TTF2: variants seen among roughly 807,000 people sequenced by gnomAD.
TTF2 encodes the protein transcription termination factor 2.
In TTF2, 108 loss-of-function variants were observed where a neutral mutation model predicts 142.4. That is an observed-to-expected ratio of 0.76 (90% CI 0.65 to 0.89). The LOEUF (loss-of-function observed/expected upper bound fraction) is 0.89. Ranked by LOEUF, TTF2 falls within the 40% of genes least tolerant of loss-of-function variation. TTF2 has a pLI of 0.00. For synonymous variants in TTF2, 483 were observed against 506.2 expected (o/e 0.95, Z 0.61); for missense variants, 1,327 against 1,379.8 (o/e 0.96, Z 0.61).
intron 18 of TTF2, chr1:117,094,874 G>A (rs74111952): frequency 0.079 from 26,495 of 337,006 alleles, 1,473 homozygotes; most frequent in African/African-American, 0.18. Context: ...TTTGGGGGTT[G>A]GGAGGACCTC....
intron 2 of TTF2, among the ~76,000 whole-genome samples, chr1:117,061,664 A>G (rs1655696954): frequency 6.6e-6 from 1 of 152,248 alleles, no homozygotes; most frequent in Non-Finnish European, 1.5e-5. Flanking sequence ...CAGGAATTCA[A>G]CATTAATGGT....
chr1:117,069,939 A>C (rs1222028888), intron 3 of TTF2, among the ~76,000 whole-genome samples: 2 of 152,236 alleles, frequency 1.3e-5, no homozygotes, highest in Non-Finnish European at 1.5e-5. Context: ...ATACTGCAGA[A>C]ATTAATGCTT....
Position 117,091,907 on chromosome 1 carries a change from T to G in TTF2, c.2762T>G (p.Leu921Arg). 6.2e-7 allele frequency: 1 copy of G among 1,613,450 alleles called. No homozygotes were observed. The highest frequency in any genetic ancestry group is 8.5e-7 in the Non-Finnish European group (1 of 1,179,870). ...ACCGTCCACATACTGTCCCAGTTGC[T>G]GAGACTCCGCCAGTGTTGCTGTCAT... is the stretch of plus-strand genomic sequence containing the variant. ...SSTVHILSQLLRLRQCCCHLS... is the reference protein window; with the variant it reads ...SSTVHILSQLRRLRQCCCHLS... The change falls in exon 17 of 23, where the codon CTG becomes CGG. Residue 921 changes from leucine to arginine, a missense_variant. Leu to Arg is a moderately radical substitution (Grantham distance 102). Coordinates refer to ENST00000369466, the MANE Select transcript of TTF2 (RefSeq NM_003594.4).
At chr1:117,095,053 A>G (rs1002185659) in intron 18 of TTF2, among the ~76,000 whole-genome samples, 7 of 152,192 alleles carry the variant, frequency 4.6e-5, no homozygotes, top group African/African-American at 9.7e-5. Flanking sequence ...CTGGAGCAGC[A>G]AGAATCCGGC....
rs755418287 is a variant in TTF2 at position 117,079,609 on chromosome 1, A to G, written c.1743A>G (p.Leu581=). ...LLHQKQALAW[L]LWRESQKPQG... ...ACCAGAAGCAGGCATTGGCTTGGTT[A>G]CTATGGCGAGAAAGTCAGAAGCCAC... is the stretch of plus-strand genomic sequence containing the variant. The change falls in exon 9 of 23, where the codon TTA becomes TTG. Residue 581 remains leucine (L), a synonymous_variant. Transcript: ENST00000369466. The surrounding 1 kb of genome is among the most constrained non-coding windows in gnomAD (Gnocchi z 4.2). 6.2e-6 allele frequency: 10 copies of G among 1,614,256 alleles called. No homozygotes were observed. The highest frequency in any genetic ancestry group is 7.6e-6 in the Non-Finnish European group (9 of 1,180,044).
At position 117,079,758 on chromosome 1, in the gene TTF2, A is replaced by G. The variant is rs538257181; in HGVS notation, c.1783+109A>G. 8.0e-6 allele frequency: 8 copies of G among 1,004,314 alleles called. No individual in the cohort carries two copies. The highest frequency in any genetic ancestry group is 5.0e-5 in the East Asian group (2 of 40,134). The allele number at this position is 1,004,314 out of a possible 1,614,324, so 62.2% of individuals were successfully genotyped here. ...TCAAGAACTCTATGAGGCAGGTACTATTATTCCTCATTTTACAGATGATGA... is the reference window on the plus strand; with the variant it reads ...TCAAGAACTCTATGAGGCAGGTACTGTTATTCCTCATTTTACAGATGATGA... On this transcript the variant is annotated intron_variant, in intron 9 of 22. Coordinates refer to ENST00000369466, the MANE Select transcript of TTF2 (RefSeq NM_003594.4). This position sits in a 1 kb window ranked among gnomAD's most constrained non-coding sequence, Gnocchi z 4.2.
chr1:117,077,765 C>A, intron 7 of TTF2, 151 bp from the exon 8 acceptor site: 1 of 1,069,700 alleles, frequency 9.3e-7, no homozygotes, highest in Admixed American at 2.4e-5. Flanking sequence ...TGTTTCCCAA[C>A]TGAGAACTGC....
At position 117,090,680 on chromosome 1, in the gene TTF2, T is replaced by G; in HGVS notation, c.2588+57T>G. 1.4e-6 allele frequency: 2 copies of G among 1,461,182 alleles called. No homozygotes were observed. The highest frequency in any genetic ancestry group is 1.9e-6 in the Non-Finnish European group (2 of 1,052,572). The allele number at this position is 1,461,182 out of a possible 1,614,324, so 90.5% of individuals were successfully genotyped here. ...ACATTGTTTTATTCCTGTCTTTTCT[T>G]GGGAGTGAGTTGAAGGTCAAATTTC... is the stretch of plus-strand genomic sequence containing the variant. On this transcript the variant is annotated intron_variant, in intron 15 of 22. Transcript: ENST00000369466. The surrounding 1 kb of genome is among the most constrained non-coding windows in gnomAD (Gnocchi z 4.8).
Position 117,101,553 on chromosome 1 carries a change from A to G in TTF2, c.*29A>G, listed in dbSNP as rs745600241. The G allele has an allele frequency of 1.3e-6, 2 of 1,542,410 alleles. No individual in the cohort carries two copies. Among genetic ancestry groups the G allele is most frequent in the Admixed American group, 4.7e-5 (2 of 42,764 alleles). ...CCTGTGGATAAGGGCTCAGAATAGC[A>G]CCATTGCTGGTTTGTATTAGGATCT... On this transcript the variant is annotated 3_prime_UTR_variant, in exon 23 of 23. Coordinates refer to ENST00000369466, the MANE Select transcript of TTF2 (RefSeq NM_003594.4). The surrounding 1 kb of genome is among the most constrained non-coding windows in gnomAD (Gnocchi z 5.9).
chr1:117,076,671 C>T lies in TTF2; in HGVS notation c.1421C>T (p.Pro474Leu). ...AATGAGAAGAGTAACAGTCAAGTAC[C>T]ACAGCAGAGTCACTTCACCAAAACT... ...GTNEKSNSQV[P>L]QQSHFTKTTT... Residue 474 changes from proline (P) to leucine (L), a missense_variant, in exon 7 of 23, where the codon CCA becomes CTA. Pro to Leu is a moderately conservative substitution (Grantham distance 98). Transcript: ENST00000369466. The surrounding 1 kb of genome is among the most constrained non-coding windows in gnomAD (Gnocchi z 4.6). 1.2e-6 allele frequency: 2 copies of T among 1,613,264 alleles called. No homozygotes were observed. Among genetic ancestry groups the T allele is most frequent in the Non-Finnish European group, 1.7e-6 (2 of 1,179,594 alleles).
chr1:117,071,437 A>G (rs114762832), intron 3 of TTF2, among the ~76,000 whole-genome samples: 2,934 of 152,308 alleles, frequency 0.019, 49 homozygotes, highest in South Asian at 0.029. Flanking sequence ...TATGCTACCC[A>G]TTTGTGTAGA....
In TTF2 at chr1:117,075,491, G is replaced by C; in HGVS notation, c.907G>C (p.Ala303Pro). The C allele has an allele frequency of 6.2e-7, 1 of 1,614,102 alleles. No individual in the cohort carries two copies. The highest frequency in any genetic ancestry group is 8.5e-7 in the Non-Finnish European group (1 of 1,179,984). ...GGCAAAGGATGGCCCTAGCATACAG[G>C]CCACCCAGAAAAGCCTGCCTCAGGG... ...TKAKDGPSIQATQKSLPQGHF... is the reference protein window; with the variant it reads ...TKAKDGPSIQPTQKSLPQGHF... The change falls in exon 5 of 23, where the codon GCC becomes CCC. Residue 303 changes from alanine to proline, a missense_variant. Coordinates refer to ENST00000369466, the MANE Select transcript of TTF2 (RefSeq NM_003594.4). The surrounding 1 kb of genome is among the most constrained non-coding windows in gnomAD (Gnocchi z 4.5).
At position 117,107,380 on chromosome 1, in the gene TTF2, T is replaced by A. The variant is rs1650024323; in HGVS notation, c.*5856T>A. The A allele has an allele frequency of 6.6e-6, 1 of 152,246 alleles. No homozygotes were observed. Among genetic ancestry groups the A allele is most frequent in the Non-Finnish European group, 1.5e-5 (1 of 68,046 alleles). The allele number at this position is 152,246 out of a possible 1,614,324, so 9.4% of individuals were successfully genotyped here. On this transcript the variant is annotated 3_prime_UTR_variant, in exon 23 of 23. Coordinates refer to ENST00000369466, the MANE Select transcript of TTF2 (RefSeq NM_003594.4). ...CTTCTGGAAATTTTTTATTGCAATG[T>A]TACTTCATCTACATAAAGTTGTCCA... is the stretch of plus-strand genomic sequence containing the variant.
At position 117,070,946 on chromosome 1, in the gene TTF2, G is replaced by A. The variant is rs1471608844; in HGVS notation, c.219-2715G>A. Among the ~76,000 whole-genome samples, 2 of 152,120 alleles carry A rather than the reference G, an allele frequency of 1.3e-5. No homozygotes were observed. The highest frequency in any genetic ancestry group is 2.9e-5 in the Non-Finnish European group (2 of 68,022). The stretch of plus-strand genomic sequence containing the variant: ...CCCCTGAATTAGGATGCAGACTGTT[G>A]TGATTCATGTTGTACATCATGGGAC... On this transcript the variant is annotated intron_variant, in intron 3 of 22. Coordinates refer to ENST00000369466, the MANE Select transcript of TTF2 (RefSeq NM_003594.4). This position sits in a 1 kb window ranked among gnomAD's most constrained non-coding sequence, Gnocchi z 4.2.
chr1:117,101,261 G>A lies in TTF2; in HGVS notation c.3345-119G>A, dbSNP rs1434515330. 6.3e-6 allele frequency: 7 copies of A among 1,111,578 alleles called. No individual in the cohort carries two copies. The East Asian group carries it at 1.8e-4, about 28-fold the overall frequency. 68.9% of individuals were successfully genotyped at this position (1,111,578 alleles called of 1,614,324 possible). A position where few individuals can be genotyped will look rare whatever the true frequency, so the allele number is the denominator to read the frequency against. The stretch of plus-strand genomic sequence containing the variant: ...AGACAGGGTTCTTAACTGGACCTAA[G>A]AAGACTTAAAGGAAGAAATCTCATT... On this transcript the variant is annotated intron_variant, in intron 22 of 22. Coordinates refer to ENST00000369466, the MANE Select transcript of TTF2 (RefSeq NM_003594.4). The surrounding 1 kb of genome is among the most constrained non-coding windows in gnomAD (Gnocchi z 5.9).
At position 117,091,817 on chromosome 1, in the gene TTF2, TG is replaced by T; in HGVS notation, c.2674del (p.Ala892HisfsTer30). 6.2e-7 allele frequency: 1 copy of T among 1,612,546 alleles called. No homozygotes were observed. The highest frequency in any genetic ancestry group is 8.5e-7 in the Non-Finnish European group (1 of 1,179,122). ...TGTGGCTTGTCTTCCCTCTTGGAAG[TG>T]GCACTGGAGTTTGGGTCTGAGGAGC... ...GRSPNNPFSRVALEFGSEEPR... is the reference protein window; with the variant it reads ...GRSPNNPFSRXALEFGSEEPR... On this transcript the variant is annotated frameshift_variant and splice_region_variant, in exon 17 of 23. Transcript: ENST00000369466. LOFTEE classifies it high-confidence loss of function.
At position 117,099,769 on chromosome 1, in the gene TTF2, A is replaced by G. The variant is rs1468338346; in HGVS notation, c.3344+862A>G. Among the ~76,000 whole-genome samples the G allele has an allele frequency of 6.6e-6, 1 of 152,126 alleles. No homozygotes were observed. The highest frequency in any genetic ancestry group is 6.5e-5 in the Admixed American group (1 of 15,268). ...GCCTATCTTTACTTGATTACTTCCC[A>G]TTCATTCCTCAGCCTTTACAAACTG... On this transcript the variant is annotated intron_variant, in intron 22 of 22. Coordinates refer to ENST00000369466, the MANE Select transcript of TTF2 (RefSeq NM_003594.4). The surrounding 1 kb of genome is among the most constrained non-coding windows in gnomAD (Gnocchi z 4.3).
intron 10 of TTF2, among the ~76,000 whole-genome samples, chr1:117,082,964 C>T (rs1000831002): frequency 1.3e-5 from 2 of 152,050 alleles, no homozygotes; most frequent in African/African-American, 2.4e-5. Context: ...ATCTGTGGGC[C>T]GGGCATGGTG....
intron 10 of TTF2, among the ~76,000 whole-genome samples, chr1:117,082,725 G>A (rs1237749601): frequency 1.3e-5 from 2 of 152,128 alleles, no homozygotes; most frequent in African/African-American, 2.4e-5. Context: ...AGGCACAGTG[G>A]TATGCACCTG....
Sources: gnomAD v4.1 joint callset for allele counts (sites outside exome capture counted in the v4.1 genomes callset) on GRCh38, gnomAD v4.1.1 for gene constraint, Gnocchi (gnomAD v3.1) non-coding constraint, MANE v1.5 for transcripts, NCBI Gene and HGNC (gene_info 2026-07-23, HGNC 2026-07-21) for gene names.